The following AGBL4 variants were observed in gnomAD, a reference collection of about 807,000 sequenced individuals.
The protein encoded by AGBL4 is AGBL carboxypeptidase 4.
Under a neutral mutation model 66.4 loss-of-function variants are expected in AGBL4, and 58 were observed. That is an observed-to-expected ratio of 0.87 (90% CI 0.71 to 1.09). The LOEUF is 1.09. Ranked by LOEUF, AGBL4 falls within the 50% of genes least tolerant of loss-of-function variation. AGBL4 has a pLI of 0.00. For missense variants in AGBL4, 579 were observed against 631.0 expected, an observed-to-expected ratio of 0.92 and a Z score of 0.88; for synonymous variants, 234 against 222.9, an observed-to-expected ratio of 1.05 and a Z score of -0.44.
In AGBL4 at chr1:49,078,269, A is replaced by G. The variant is rs116036815; in HGVS notation, c.378-32469T>C. Among the ~76,000 whole-genome samples the G allele has an allele frequency of 5.5e-4, 84 of 152,284 alleles. 1 individual carries two copies. Among genetic ancestry groups the G allele is most frequent in the African/African-American group, 1.7e-3 (71 of 41,554 alleles). The stretch of plus-strand genomic sequence containing the variant: ...ATGTCCTATCTCATGCTGTAATCCA[A>G]TCCTGGGGCTTTAAAATACATATAT... On this transcript the variant is annotated intron_variant, in intron 4 of 13. Coordinates refer to ENST00000371839, the MANE Select transcript of AGBL4 (RefSeq NM_032785.4).
intron 2 of AGBL4, among the ~76,000 whole-genome samples, chr1:49,835,713 T>C (rs1227211710): frequency 6.6e-6 from 1 of 152,184 alleles, no homozygotes; most frequent in Non-Finnish European, 1.5e-5. Flanking sequence ...CTGGTACCAG[T>C]TTTTCCTTTC....
chr1:48,743,300 C>T (rs1364671970), intron 6 of AGBL4, among the ~76,000 whole-genome samples: 2 of 152,124 alleles, frequency 1.3e-5, no homozygotes, highest in African/African-American at 4.8e-5. Context: ...ACACATTAAG[C>T]CCCTGATTGC....
chr1:49,869,515 G>A (rs1305333496), intron 1 of AGBL4, among the ~76,000 whole-genome samples: 1 of 152,134 alleles, frequency 6.6e-6, no homozygotes, highest in Non-Finnish European at 1.5e-5. Flanking sequence ...AATACCACAT[G>A]TTCTCACTTA....
At chr1:49,517,602 C>A (rs1649937183) in intron 3 of AGBL4, among the ~76,000 whole-genome samples, 1 of 151,940 alleles carries the variant, frequency 6.6e-6, no homozygotes, top group South Asian at 2.1e-4. Flanking sequence ...TTCAGAAGTA[C>A]TGTCTCACTT....
intron 4 of AGBL4, among the ~76,000 whole-genome samples, chr1:49,242,356 C>T (rs1014488358): frequency 6.6e-6 from 1 of 152,112 alleles, no homozygotes; most frequent in Middle Eastern, 3.4e-3. Flanking sequence ...AAAGGCCACA[C>T]AATAGCATGC....
intron 3 of AGBL4, among the ~76,000 whole-genome samples, chr1:49,522,586 A>C (rs775676130): frequency 6.6e-6 from 1 of 152,148 alleles, no homozygotes; most frequent in Non-Finnish European, 1.5e-5. Context: ...TAGATTCTCA[A>C]TAAATATTTG....
intron 3 of AGBL4, among the ~76,000 whole-genome samples, chr1:49,395,129 G>A (rs529763794): frequency 6.6e-6 from 1 of 152,218 alleles, no homozygotes; most frequent in African/African-American, 2.4e-5. Context: ...CTCCTTTGGG[G>A]GACAAAAGTG....
At chr1:49,406,267 C>T (rs988893005) in intron 3 of AGBL4, among the ~76,000 whole-genome samples, 58 of 152,036 alleles carry the variant, frequency 3.8e-4, no homozygotes, top group Non-Finnish European at 4.0e-4. Context: ...GATTCAAATT[C>T]CACTGGTAAT....
intron 3 of AGBL4, among the ~76,000 whole-genome samples, chr1:49,556,080 G>A (rs932977234): frequency 1.8e-4 from 28 of 152,126 alleles, no homozygotes; most frequent in African/African-American, 6.0e-4. Context: ...ACATGCACAC[G>A]TATGTTTATT....
At chr1:49,147,832 G>C (rs1557679880) in intron 4 of AGBL4, among the ~76,000 whole-genome samples, 1 of 152,056 alleles carries the variant, frequency 6.6e-6, no homozygotes, top group African/African-American at 2.4e-5. Flanking sequence ...CAGGGAAGGA[G>C]AGGGGGGGTG....
chr1:49,556,437 A>G (rs1291987711), intron 3 of AGBL4, among the ~76,000 whole-genome samples: 1 of 151,702 alleles, frequency 6.6e-6, no homozygotes, highest in South Asian at 2.1e-4. Context: ...AATGACACCA[A>G]CATGGCACAT....
At chr1:49,770,180 C>T (rs79544972) in intron 2 of AGBL4, among the ~76,000 whole-genome samples, 1,664 of 152,168 alleles carry the variant, frequency 0.011, 26 homozygotes, top group African/African-American at 0.038. Context: ...TGGCCGTTAT[C>T]GTGATGAGGT....
At chr1:48,738,125 T>C (rs2148582499) in intron 6 of AGBL4, among the ~76,000 whole-genome samples, 1 of 152,284 alleles carries the variant, frequency 6.6e-6, no homozygotes, top group South Asian at 2.1e-4. Flanking sequence ...TGAATACACA[T>C]AGTTAGGCAG....
chr1:49,342,778 C>A (rs1040802126), intron 3 of AGBL4, among the ~76,000 whole-genome samples: 4 of 152,144 alleles, frequency 2.6e-5, no homozygotes, highest in Non-Finnish European at 5.9e-5. Flanking sequence ...CCTTCATGAA[C>A]AACTTCTGAT....
intron 4 of AGBL4, among the ~76,000 whole-genome samples, chr1:49,224,816 TA>T (rs1413202340): frequency 6.6e-6 from 1 of 151,952 alleles, no homozygotes; most frequent in African/African-American, 2.4e-5. Context: ...ATGGCTCACT[TA>T]AAAAAGGAGT....
chr1:49,437,330 C>T (rs187709725), intron 3 of AGBL4, among the ~76,000 whole-genome samples: 1 of 152,234 alleles, frequency 6.6e-6, no homozygotes, highest in East Asian at 1.9e-4. Context: ...TTAATTAAGT[C>T]TCCCCAAATC....
At chr1:49,242,353 A>G (rs1316804977) in intron 4 of AGBL4, among the ~76,000 whole-genome samples, 1 of 152,010 alleles carries the variant, frequency 6.6e-6, no homozygotes, top group Non-Finnish European at 1.5e-5. Flanking sequence ...TCCAAAGGCC[A>G]CACAATAGCA....
chr1:49,845,830 T>C (rs1450142907), intron 2 of AGBL4: 5 of 1,503,766 alleles, frequency 3.3e-6, no homozygotes, highest in Non-Finnish European at 4.6e-6. Flanking sequence ...AGAGAAGCCG[T>C]TCGACTGCAG....
At chr1:48,667,344 G>T (rs918713668) in intron 6 of AGBL4, among the ~76,000 whole-genome samples, 1 of 152,152 alleles carries the variant, frequency 6.6e-6, no homozygotes, top group East Asian at 1.9e-4. Flanking sequence ...TGTCATAAAG[G>T]CACTCAGCCT....
Sources: allele counts gnomAD v4.1 joint callset (sites outside exome capture counted in the v4.1 genomes callset), GRCh38; gene constraint gnomAD v4.1.1; transcripts MANE v1.5; gene names NCBI Gene and HGNC (gene_info 2026-07-23, HGNC 2026-07-21).